Variants in NCKAP5L observed in about 807,000 individuals in gnomAD.
NCKAP5L encodes NCK associated protein 5 like.
Under a neutral mutation model 103.2 loss-of-function variants are expected in NCKAP5L, and 54 were observed. That is an observed-to-expected ratio of 0.52 (90% CI 0.42 to 0.66). The LOEUF is 0.66. Among genes scored for constraint, NCKAP5L ranks in the 30% least tolerant of loss-of-function variants. The pLI is 0.00. For missense variants in NCKAP5L, 1,733 were observed against 1,750.6 expected (o/e 0.99, Z 0.18); for synonymous variants, 762 against 748.6 (o/e 1.02, Z -0.29).
chr12:49,797,382 G>A lies in NCKAP5L; in HGVS notation c.478C>T (p.Gln160Ter). 6.2e-7 allele frequency: 1 copy of A among 1,605,182 alleles called. No homozygotes were observed. The highest frequency in any genetic ancestry group is 2.2e-5 in the East Asian group (1 of 44,780). ...CAGQREVCWE[Q>*]QLRPGGPGPP... ...CCTGGGCCTCCTGGCCTCAGCTGCT[G>A]CTCCCAACATACCTTAGGGGAGAGA... Residue 160 changes from glutamine (Q) to a stop codon, truncating the protein, a stop_gained, in exon 8 of 13, where the codon CAG (glutamine) becomes TAG (stop). Transcript: ENST00000335999. LOFTEE classifies it high-confidence loss of function. This position sits in a 1 kb window ranked among gnomAD's most constrained non-coding sequence, Gnocchi z 4.5.
intron 1 of NCKAP5L, among the ~76,000 whole-genome samples, chr12:49,811,355 T>G (rs752388270): frequency 1.3e-5 from 2 of 152,086 alleles, no homozygotes; most frequent in Admixed American, 6.6e-5. Context: ...CTCCTATAAC[T>G]TCTGGCTTAC....
chr12:49,824,221 G>A (rs993370675), intron 1 of NCKAP5L, among the ~76,000 whole-genome samples: 1 of 152,214 alleles, frequency 6.6e-6, no homozygotes, highest in African/African-American at 2.4e-5. Context: ...CACAAAGCAG[G>A]CTGACAGCTG....
chr12:49,798,492 G>A, intron 6 of NCKAP5L, 29 bp from the exon 7 acceptor site: 1 of 1,528,668 alleles, frequency 6.5e-7, no homozygotes, highest in Non-Finnish European at 8.9e-7. Flanking sequence ...AGTTAGCACA[G>A]TAGCTGTCTG....
intron 1 of NCKAP5L, among the ~76,000 whole-genome samples, chr12:49,809,144 A>C (rs149913411): frequency 3.3e-5 from 5 of 152,262 alleles, no homozygotes; most frequent in African/African-American, 1.2e-4. Flanking sequence ...CAGCCAAGTC[A>C]GTCACGGAGG....
chr12:49,818,372 C>T (rs896423455), intron 1 of NCKAP5L, among the ~76,000 whole-genome samples: 1 of 151,378 alleles, frequency 6.6e-6, no homozygotes, highest in African/African-American at 2.4e-5. Context: ...GTAAACCACA[C>T]ATCTCATTCA....
In NCKAP5L at chr12:49,793,809, C is replaced by T. The variant is rs368688569; in HGVS notation, c.3183G>A (p.Lys1061=). ...GDFQPVSSDP[K]SPWPACGPRN... ...GGGGCCCACAGGCTGGCCAGGGGCT[C>T]TTGGGGTCAGAAGACACCGGCTGGA... Residue 1061 remains lysine (K), a synonymous_variant, in exon 9 of 13, where the codon AAG becomes AAA. Coordinates refer to ENST00000335999, the MANE Select transcript of NCKAP5L (RefSeq NM_001037806.4). The T allele has an allele frequency of 1.2e-5, 19 of 1,601,970 alleles. No individual in the cohort carries two copies. The highest frequency in any genetic ancestry group is 1.7e-4 in the Middle Eastern group (1 of 6,060).
chr12:49,822,830 G>A (rs543196405), intron 1 of NCKAP5L, among the ~76,000 whole-genome samples: 9 of 152,112 alleles, frequency 5.9e-5, no homozygotes, highest in South Asian at 4.3e-4. Context: ...ATGAGCCACC[G>A]TGCCCAGCAG....
chr12:49,827,105 G>A (rs1292745347), intron 1 of NCKAP5L, among the ~76,000 whole-genome samples: 4 of 152,204 alleles, frequency 2.6e-5, no homozygotes, highest in Non-Finnish European at 4.4e-5. Context: ...ATGGCGTAAT[G>A]TCTGCAAGGG....
chr12:49,823,996 G>C (rs1012725471), intron 1 of NCKAP5L, among the ~76,000 whole-genome samples: 2 of 152,162 alleles, frequency 1.3e-5, no homozygotes, highest in African/African-American at 2.4e-5. Context: ...TGGGGGGTGA[G>C]GGTGCCAGTT....
intron 1 of NCKAP5L, among the ~76,000 whole-genome samples, chr12:49,819,390 T>C (rs1946336811): frequency 6.6e-6 from 1 of 152,068 alleles, no homozygotes. Flanking sequence ...TGTACTCCCA[T>C]GTTTATTCAT....
At chr12:49,818,495 C>A (rs1032106805) in intron 1 of NCKAP5L, among the ~76,000 whole-genome samples, 4 of 152,234 alleles carry the variant, frequency 2.6e-5, no homozygotes, top group Non-Finnish European at 4.4e-5. Flanking sequence ...GTAGCTGGGA[C>A]TACAGGCATG....
chr12:49,793,530 G>C, intron 9 of NCKAP5L, 97 bp from the exon 10 acceptor site: 1 of 1,364,814 alleles, frequency 7.3e-7, no homozygotes. Context: ...AAACATATGA[G>C]AGTATGAGGA....
intron 2 of NCKAP5L, 112 bp downstream of exon 2, chr12:49,805,868 T>A (rs11169160): frequency 0.14 from 21,585 of 152,112 alleles, 2,728 homozygotes; most frequent in East Asian, 0.55. Context: ...GAGAGAGGTG[T>A]CCTCAGCAGC....
Position 49,792,710 on chromosome 12 carries a change from G to C in NCKAP5L, c.3617C>G (p.Pro1206Arg), listed in dbSNP as rs550998532. 6.2e-7 allele frequency: 1 copy of C among 1,611,274 alleles called. No individual in the cohort carries two copies. Among genetic ancestry groups the C allele is most frequent in the South Asian group, 1.1e-5 (1 of 90,788 alleles). ...PAFPALLPAA[P>R]GHRGHETCPD... ...ACAGGTCTCATGGCCCCGGTGGCCC[G>C]GAGCAGCGGGTAGCAGTGCAGGGAA... The change falls in exon 11 of 13, where the codon CCG becomes CGG. Residue 1206 changes from proline to arginine, a missense_variant. Pro to Arg is a moderately radical substitution (Grantham distance 103). Transcript: ENST00000335999. This position sits in a 1 kb window ranked among gnomAD's most constrained non-coding sequence, Gnocchi z 4.5.
intron 1 of NCKAP5L, among the ~76,000 whole-genome samples, chr12:49,809,064 G>A (rs1214980701): frequency 1.3e-5 from 2 of 152,066 alleles, no homozygotes; most frequent in African/African-American, 4.8e-5. Context: ...CAGTTTTCAG[G>A]CAGCCAGGGC....
rs1434997911 is a variant in NCKAP5L at position 49,797,654 on chromosome 12, C to T, written c.466-260G>A. Among the ~76,000 whole-genome samples, 1 of 152,154 alleles carries T rather than the reference C, an allele frequency of 6.6e-6. No individual in the cohort carries two copies. The highest frequency in any genetic ancestry group is 6.5e-5 in the Admixed American group (1 of 15,278). On this transcript the variant is annotated intron_variant, in intron 7 of 12. Transcript: ENST00000335999. This position sits in a 1 kb window ranked among gnomAD's most constrained non-coding sequence, Gnocchi z 4.5. ...ACCCTACATCCTTTTCTTGGTTGCC[C>T]CAGCCCCTACTCCCCACAGCCATTT...
At chr12:49,824,692 G>A (rs1259179565) in intron 1 of NCKAP5L, among the ~76,000 whole-genome samples, 1 of 152,252 alleles carries the variant, frequency 6.6e-6, no homozygotes, top group East Asian at 1.9e-4. Context: ...TCCATCCACG[G>A]CCTGCTGCGT....
At position 49,792,459 on chromosome 12, in the gene NCKAP5L, G is replaced by T; in HGVS notation, c.3779C>A (p.Pro1260His). Residue 1260 changes from proline to histidine, a missense_variant, in exon 12 of 13, where the codon CCC becomes CAC. Physicochemically the swap from Pro to His is moderately conservative, Grantham distance 77 (BLOSUM62 -2). Coordinates refer to ENST00000335999, the MANE Select transcript of NCKAP5L (RefSeq NM_001037806.4). The surrounding 1 kb of genome is among the most constrained non-coding windows in gnomAD (Gnocchi z 4.5). The stretch of plus-strand genomic sequence containing the variant: ...TGCAATTCTCACCATGGGGGTCCTG[G>T]GCAGCCCCTCCAGTTGTCGGGGTGG... ...MCPPRQLEGL[P>H]RTPMALPVDR... 1 of 1,613,526 alleles carries T rather than the reference G, an allele frequency of 6.2e-7. No homozygotes were observed. Among genetic ancestry groups the T allele is most frequent in the Non-Finnish European group, 8.5e-7 (1 of 1,179,662 alleles).
In NCKAP5L at chr12:49,795,917, C is replaced by A. The variant is rs1946031671; in HGVS notation, c.1943G>T (p.Gly648Val). The A allele has an allele frequency of 3.3e-6, 5 of 1,528,758 alleles. No homozygotes were observed. The highest frequency in any genetic ancestry group is 4.4e-6 in the Non-Finnish European group (5 of 1,145,048). The allele number at this position is 1,528,758 out of a possible 1,614,324, so 94.7% of individuals were successfully genotyped here. A position where few individuals can be genotyped will look rare whatever the true frequency, so the allele number is the denominator to read the frequency against. ...PGNSSKKPSQ[G>V]SGRRPGDPGS... ...AGGATCCCCAGGTCGCCGTCCTGACCCCTGGCTGGGCTTCTTGGATGAGTT... is the reference window on the plus strand; with the variant it reads ...AGGATCCCCAGGTCGCCGTCCTGACACCTGGCTGGGCTTCTTGGATGAGTT... Residue 648 changes from glycine (G) to valine (V), a missense_variant, in exon 8 of 13, where the codon GGG (glycine) becomes GTG (valine). Transcript: ENST00000335999.
Sources: gnomAD v4.1 joint callset for allele counts (sites outside exome capture counted in the v4.1 genomes callset) on GRCh38, gnomAD v4.1.1 for gene constraint, Gnocchi (gnomAD v3.1) non-coding constraint, MANE v1.5 for transcripts, NCBI Gene and HGNC (gene_info 2026-07-23, HGNC 2026-07-21) for gene names.